The following TBCE variants were observed in gnomAD, a reference collection of about 807,000 sequenced individuals.
The protein encoded by TBCE is tubulin folding cofactor E, also known as tubulin-specific chaperone E.
Under a neutral mutation model 77.0 loss-of-function variants are expected in TBCE, and 53 were observed. The observed-to-expected ratio is 0.69, with a 90% CI of 0.55 to 0.87. The LOEUF (loss-of-function observed/expected upper bound fraction) is 0.87, where lower values mean the gene tolerates loss of function less well. TBCE is among the 40% of genes least tolerant of loss of function. The pLI is 0.00. For synonymous variants in TBCE, 235 were observed against 241.3 expected (o/e 0.97, Z 0.24); for missense variants, 624 against 622.4 (o/e 1.00, Z -0.03).
At chr1:235,446,431 C>G (rs985159768) in intron 15 of TBCE, among the ~76,000 whole-genome samples, 31 of 152,198 alleles carry the variant, frequency 2.0e-4, no homozygotes, top group African/African-American at 7.0e-4. Flanking sequence ...CCCGCCTCGG[C>G]CTCCCAAAGT....
At chr1:235,436,700 A>T (rs918775788) in intron 11 of TBCE, 92 bp downstream of exon 11, 28 of 1,266,434 alleles carry the variant, frequency 2.2e-5, no homozygotes, top group African/African-American at 8.8e-5. Flanking sequence ...AAAAGTAAAA[A>T]GAAATTTAAA....
chr1:235,381,685 C>CAAAAAA (rs574997840), intron 2 of TBCE, among the ~76,000 whole-genome samples: 1 of 43,192 alleles, frequency 2.3e-5, no homozygotes, highest in Non-Finnish European at 3.9e-5. Context: ...ACTCCTTCTC[C>CAAAAAA]AAAAAAAAAA....
chr1:235,424,676 T>G (rs188281385), intron 5 of TBCE, among the ~76,000 whole-genome samples: 1 of 152,138 alleles, frequency 6.6e-6, no homozygotes, highest in Non-Finnish European at 1.5e-5. Flanking sequence ...TGGCTAATTT[T>G]GTATTTTTAG....
rs148695179 is a variant in TBCE at position 235,446,551 on chromosome 1, G to C, written c.1400-1798G>C. On this transcript the variant is annotated intron_variant, in intron 15 of 16. Transcript: ENST00000642610. ...TATACCTCTCAAATTTTTAACACTGGTCATAGGCAGGTAAAAAGAAATAAT... is the reference window on the plus strand; with the variant it reads ...TATACCTCTCAAATTTTTAACACTGCTCATAGGCAGGTAAAAAGAAATAAT... Among the ~76,000 whole-genome samples, 18 of 152,180 alleles carry C rather than the reference G, an allele frequency of 1.2e-4. No individual in the cohort carries two copies. The East Asian group carries it at 3.5e-3, about 29-fold the overall frequency.
At chr1:235,377,721 G>A (rs371420670) in intron 1 of TBCE, among the ~76,000 whole-genome samples, 2 of 150,148 alleles carry the variant, frequency 1.3e-5, no homozygotes, top group South Asian at 2.1e-4. Flanking sequence ...GCTCGATCTC[G>A]GCTCATTGCA....
Position 235,448,389 on chromosome 1 carries a change from T to C in TBCE, c.1440T>C (p.Arg480=). Residue 480 remains arginine (R), a synonymous_variant, in exon 16 of 17, where the codon CGT becomes CGC. Transcript: ENST00000642610. The part of the protein sequence containing the change: ...TIQKVKGLLS[R]LLKVPVSDLL... ...AAAAGGTGAAGGGATTGCTGTCACG[T>C]CTTCTCAAAGTTCCTGTGTCAGACC... is the stretch of plus-strand genomic sequence containing the variant. 6.2e-7 allele frequency: 1 copy of C among 1,614,140 alleles called. No homozygotes were observed. Among genetic ancestry groups the C allele is most frequent in the South Asian group, 1.1e-5 (1 of 91,088 alleles).
intron 2 of TBCE, among the ~76,000 whole-genome samples, chr1:235,390,018 TG>T (rs1678280751): frequency 6.6e-6 from 1 of 151,656 alleles, no homozygotes; most frequent in African/African-American, 2.4e-5. Flanking sequence ...CCCAGCTACT[TG>T]GGAGGCTGAG....
chr1:235,450,236 GCACCGTTCCTTCAGTTTC>G lies in TBCE; in HGVS notation c.*1478_*1495del. On this transcript the variant is annotated 3_prime_UTR_variant, in exon 17 of 17. Coordinates refer to ENST00000642610, the MANE Select transcript of TBCE (RefSeq NM_003193.5). ...TTGCTTGACATCGACAAGGATCACCGCACCGTTCCTTCAGTTTCCACAGTTCCGTCAGTTCCCACGGAG... is the reference window on the plus strand; with the variant it reads ...TTGCTTGACATCGACAAGGATCACCGCACAGTTCCGTCAGTTCCCACGGAG... The G allele has an allele frequency of 6.2e-7, 1 of 1,614,068 alleles. No homozygotes were observed. Among genetic ancestry groups the G allele is most frequent in the Non-Finnish European group, 8.5e-7 (1 of 1,179,998 alleles).
chr1:235,403,461 C>T (rs1273305927), intron 3 of TBCE, among the ~76,000 whole-genome samples: 1 of 152,168 alleles, frequency 6.6e-6, no homozygotes, highest in Non-Finnish European at 1.5e-5. Context: ...CCACTGGCCT[C>T]GGCCTCCCAA....
At chr1:235,397,230 C>A (rs1678790226) in intron 2 of TBCE, among the ~76,000 whole-genome samples, 1 of 127,678 alleles carries the variant, frequency 7.8e-6, no homozygotes, top group Non-Finnish European at 1.6e-5. Context: ...GAGACGGAGT[C>A]TTGCTCTGTC....
chr1:235,377,397 T>C (rs1283209308), intron 1 of TBCE, among the ~76,000 whole-genome samples: 1 of 152,210 alleles, frequency 6.6e-6, no homozygotes, highest in Non-Finnish European at 1.5e-5. Flanking sequence ...GCTGGGATGG[T>C]ATCGATCTCT....
At chr1:235,410,690 G>T in intron 3 of TBCE, among the ~76,000 whole-genome samples, 1 of 152,254 alleles carries the variant, frequency 6.6e-6, no homozygotes, top group South Asian at 2.1e-4. Context: ...TGGTTCAAAC[G>T]TCTCTGACAT....
At chr1:235,426,914 G>A (rs1039055410) in intron 5 of TBCE, among the ~76,000 whole-genome samples, 3 of 152,194 alleles carry the variant, frequency 2.0e-5, no homozygotes, top group East Asian at 1.9e-4. Context: ...CCAAAGTGCC[G>A]GGATTACAGG....
At chr1:235,372,628 A>AGG (rs1491309335) in intron 1 of TBCE, among the ~76,000 whole-genome samples, 1 of 149,902 alleles carries the variant, frequency 6.7e-6, no homozygotes, top group African/African-American at 2.4e-5. Context: ...CCAATAGAAA[A>AGG]GAGAGAGAGA....
chr1:235,428,106 T>C (rs1680838246), intron 6 of TBCE, among the ~76,000 whole-genome samples: 1 of 151,612 alleles, frequency 6.6e-6, no homozygotes, highest in East Asian at 1.9e-4. Flanking sequence ...GGGCGGATCA[T>C]GAGGTCAGGA....
At chr1:235,441,903 T>C in intron 14 of TBCE, 21 bp downstream of exon 14, 2 of 1,610,578 alleles carry the variant, frequency 1.2e-6, no homozygotes, top group Non-Finnish European at 8.5e-7. Flanking sequence ...CAGATTCAAA[T>C]AGTTTATTTG....
intron 3 of TBCE, among the ~76,000 whole-genome samples, chr1:235,402,835 T>C (rs1190445070): frequency 6.6e-6 from 1 of 152,036 alleles, no homozygotes; most frequent in Non-Finnish European, 1.5e-5. Flanking sequence ...TTTTCTATGC[T>C]GCCCAGGCTG....
At position 235,390,408 on chromosome 1, in the gene TBCE, G is replaced by A. The variant is rs377506812; in HGVS notation, c.100+10259G>A. On this transcript the variant is annotated intron_variant, in intron 2 of 16. Transcript: ENST00000642610. ...TAATCAGCTGATTTTAAGATTGGGA[G>A]AGTATCCGGTTTATCCAGTTGGGCT... is the stretch of plus-strand genomic sequence containing the variant. 2.6e-5 allele frequency among the ~76,000 whole-genome samples: 4 copies of A among 152,164 alleles called. No homozygotes were observed. In the East Asian group the frequency reaches 7.7e-4, roughly 29 times the overall value.
chr1:235,404,999 G>A (rs559422865), intron 3 of TBCE, among the ~76,000 whole-genome samples: 4 of 141,932 alleles, frequency 2.8e-5, no homozygotes, highest in African/African-American at 8.0e-5. Context: ...GTCTTGCTCC[G>A]TCACCCACGC....
Sources: gnomAD v4.1 joint callset for allele counts (sites outside exome capture counted in the v4.1 genomes callset) on GRCh38, gnomAD v4.1.1 for gene constraint, MANE v1.5 for transcripts, NCBI Gene and HGNC (gene_info 2026-07-23, HGNC 2026-07-21) for gene names.